The following RNLS variants were observed in gnomAD, a reference collection of about 807,000 sequenced individuals.
RNLS encodes renalase, FAD dependent amine oxidase, also known as renalase.
In RNLS, 39 loss-of-function variants were observed where a neutral mutation model predicts 39.8. The ratio of observed to expected loss-of-function variants is 0.98; its 90% CI spans 0.76 to 1.28. The LOEUF is 1.28. Among genes scored for constraint, RNLS ranks in the 50% most tolerant of loss-of-function variants. The pLI is 0.00. For missense variants in RNLS, 410 were observed against 413.3 expected (o/e 0.99, Z 0.07); for synonymous variants, 147 against 150.7 (o/e 0.98, Z 0.18).
intron 6 of RNLS, among the ~76,000 whole-genome samples, chr10:88,292,220 A>G (rs1271096218): frequency 6.6e-6 from 1 of 150,396 alleles, no homozygotes; most frequent in Non-Finnish European, 1.5e-5. Flanking sequence ...GAACATTTTG[A>G]GCTAAATTGA....
the RNLS span, among the ~76,000 whole-genome samples, chr10:88,240,397 CA>C: frequency 3.5e-5 from 4 of 115,094 alleles, no homozygotes; most frequent in Middle Eastern, 8.2e-3. Flanking sequence ...CAGGTGATGG[CA>C]AAAAGTCCTT....
intron 4 of RNLS, among the ~76,000 whole-genome samples, chr10:88,443,261 T>C (rs139779576): frequency 7.2e-5 from 11 of 152,332 alleles, no homozygotes; most frequent in African/African-American, 2.6e-4. Context: ...TTTCTAAAAC[T>C]GCGTATTTTA....
chr10:88,480,581 C>T (rs996342334), intron 4 of RNLS, among the ~76,000 whole-genome samples: 2 of 152,142 alleles, frequency 1.3e-5, no homozygotes, highest in African/African-American at 4.8e-5. Flanking sequence ...GTCACCACGC[C>T]CAGCTAATTT....
At chr10:88,213,299 GC>G in the RNLS span, among the ~76,000 whole-genome samples, 1 of 151,942 alleles carries the variant, frequency 6.6e-6, no homozygotes, top group African/African-American at 2.4e-5. Context: ...TAATGCATCT[GC>G]TTTGTACAGT....
At position 88,447,807 on chromosome 10, in the gene RNLS, G is replaced by C. The variant is rs150772217; in HGVS notation, c.527-85082C>G. ...ACAGCAGGGTACTGGTACCAAAACA[G>C]AGATATAGACCAAGGGAACAGAAAA... On this transcript the variant is annotated intron_variant, in intron 4 of 6. Transcript: ENST00000331772. 8.2e-3 allele frequency among the ~76,000 whole-genome samples: 1,245 copies of C among 152,288 alleles called. 11 individuals are homozygous for C. The highest frequency in any genetic ancestry group is 0.028 in the African/African-American group (1,181 of 41,540).
At chr10:88,419,328 T>C (rs191713190) in intron 4 of RNLS, among the ~76,000 whole-genome samples, 82 of 152,274 alleles carry the variant, frequency 5.4e-4, no homozygotes, top group Non-Finnish European at 1.5e-4. Context: ...TCTAGAAACA[T>C]AATGCAAGAA....
At chr10:88,544,295 G>A (rs1848186772) in intron 4 of RNLS, among the ~76,000 whole-genome samples, 1 of 152,268 alleles carries the variant, frequency 6.6e-6, no homozygotes, top group Non-Finnish European at 1.5e-5. Context: ...AGTACCTGGT[G>A]GAATAAGGAA....
At chr10:88,357,380 A>C (rs1296496629) in intron 5 of RNLS, among the ~76,000 whole-genome samples, 3 of 152,180 alleles carry the variant, frequency 2.0e-5, no homozygotes, top group Non-Finnish European at 2.9e-5. Flanking sequence ...AGGTAAATGT[A>C]TCTCACTTGT....
intron 4 of RNLS, among the ~76,000 whole-genome samples, chr10:88,458,976 G>T (rs1403052466): frequency 1.3e-5 from 2 of 152,130 alleles, no homozygotes; most frequent in African/African-American, 2.4e-5. Flanking sequence ...CTACCTGGTG[G>T]TATAGGCCCT....
intron 5 of RNLS, among the ~76,000 whole-genome samples, chr10:88,340,483 T>C (rs976485078): frequency 6.6e-6 from 1 of 151,508 alleles, no homozygotes; most frequent in Non-Finnish European, 1.5e-5. Flanking sequence ...TTTACAAGTG[T>C]CTCTTTAAAA....
intron 4 of RNLS, among the ~76,000 whole-genome samples, chr10:88,407,948 C>G (rs1853389658): frequency 6.6e-6 from 1 of 152,110 alleles, no homozygotes; most frequent in African/African-American, 2.4e-5. Context: ...GTCCTCTCTA[C>G]TTTTGTGCTG....
At chr10:88,199,855 G>C in the RNLS span, among the ~76,000 whole-genome samples, 14 of 152,216 alleles carry the variant, frequency 9.2e-5, no homozygotes, top group Admixed American at 2.0e-4. Flanking sequence ...TCCCTGACGA[G>C]TGGTGGCTCA....
chr10:88,185,367 T>C, the RNLS span, among the ~76,000 whole-genome samples: 15 of 152,228 alleles, frequency 9.9e-5, no homozygotes, highest in Non-Finnish European at 2.1e-4. Context: ...GGACTAGCTT[T>C]GGTCTCATTA....
the RNLS span, among the ~76,000 whole-genome samples, chr10:88,237,285 T>C: frequency 7.2e-6 from 1 of 138,340 alleles, no homozygotes; most frequent in Non-Finnish European, 1.6e-5. Context: ...CTTTCATCCT[T>C]TTCCTTCCTC....
intron 5 of RNLS, among the ~76,000 whole-genome samples, chr10:88,359,145 T>C (rs1849430300): frequency 1.3e-5 from 2 of 152,090 alleles, no homozygotes; most frequent in Non-Finnish European, 2.9e-5. Context: ...AAGCCCCGTC[T>C]CTACTACAAG....
intron 4 of RNLS, among the ~76,000 whole-genome samples, chr10:88,460,237 C>T (rs537700109): frequency 1.3e-4 from 20 of 152,242 alleles, no homozygotes; most frequent in African/African-American, 4.6e-4. Context: ...GAAATCTGAT[C>T]ATTACACTTT....
intron 5 of RNLS, among the ~76,000 whole-genome samples, chr10:88,355,880 G>A (rs1002713319): frequency 2.0e-5 from 3 of 152,158 alleles, no homozygotes; most frequent in East Asian, 1.9e-4. Flanking sequence ...CTTCCAGATC[G>A]CTTTGTTTAC....
chr10:88,525,838 A>T (rs1225569158), intron 4 of RNLS, among the ~76,000 whole-genome samples: 3 of 152,102 alleles, frequency 2.0e-5, no homozygotes, highest in African/African-American at 7.2e-5. Flanking sequence ...TATAACATTA[A>T]ATCACAGTTT....
intron 6 of RNLS, among the ~76,000 whole-genome samples, chr10:88,286,321 A>T (rs1843267147): frequency 6.6e-6 from 1 of 152,112 alleles, no homozygotes; most frequent in Admixed American, 6.6e-5. Context: ...ACCCCAAAGC[A>T]GTCTTTTTAA....
Sources: gnomAD v4.1 joint callset for allele counts (sites outside exome capture counted in the v4.1 genomes callset) on GRCh38, gnomAD v4.1.1 for gene constraint, MANE v1.5 for transcripts, NCBI Gene and HGNC (gene_info 2026-07-23, HGNC 2026-07-21) for gene names.